STON2: variants seen among roughly 807,000 people sequenced by gnomAD.
STON2 encodes stonin-2.
In STON2, 29 loss-of-function variants were observed where a neutral mutation model predicts 65.7. The observed-to-expected ratio is 0.44, with a 90% CI of 0.33 to 0.60. The LOEUF (loss-of-function observed/expected upper bound fraction) is 0.60. STON2 is among the 20% of genes least tolerant of loss of function. STON2 has a pLI of 0.03. For missense variants in STON2, 1,054 were observed against 1,118.1 expected (o/e 0.94, Z 0.82); for synonymous variants, 404 against 414.2 (o/e 0.98, Z 0.30).
At chr14:81,333,271 C>T (rs560688602) in intron 4 of STON2, 21 of 712,638 alleles carry the variant, frequency 2.9e-5, no homozygotes, top group Admixed American at 1.4e-4. Context: ...GTTGCCTTCC[C>T]GGGGTGAAGG....
intron 3 of STON2, chr14:81,395,560 T>C: frequency 4.6e-6 from 1 of 219,044 alleles, no homozygotes; most frequent in South Asian, 8.6e-5. Context: ...CATTTCTGTA[T>C]GTAAGGTGCT....
chr14:81,363,135 T>C (rs1898568847), intron 4 of STON2, among the ~76,000 whole-genome samples: 1 of 152,182 alleles, frequency 6.6e-6, no homozygotes, highest in African/African-American at 2.4e-5. Context: ...CCAACTACCC[T>C]TTTTATTTGT....
intron 5 of STON2, among the ~76,000 whole-genome samples, chr14:81,294,358 C>T (rs1405505472): frequency 6.6e-6 from 1 of 152,116 alleles, no homozygotes; most frequent in African/African-American, 2.4e-5. Context: ...TCAACCTAGG[C>T]ATAAACAGGT....
At chr14:81,415,016 T>C (rs1230220867) in intron 2 of STON2, among the ~76,000 whole-genome samples, 1 of 152,034 alleles carries the variant, frequency 6.6e-6, no homozygotes, top group Non-Finnish European at 1.5e-5. Flanking sequence ...GTCAGGTGCT[T>C]TGGAGACTCT....
intron 5 of STON2, among the ~76,000 whole-genome samples, chr14:81,303,312 G>C (rs995791528): frequency 6.6e-6 from 1 of 152,148 alleles, no homozygotes; most frequent in Non-Finnish European, 1.5e-5. Flanking sequence ...ATCAGAGCCT[G>C]ACACACAGCA....
chr14:81,329,454 C>CAAAAAAAAAA (rs56370265), intron 4 of STON2, among the ~76,000 whole-genome samples: 1 of 118,504 alleles, frequency 8.4e-6, no homozygotes, highest in African/African-American at 3.0e-5. Flanking sequence ...GACTCTGTCT[C>CAAAAAAAAAA]AAAAAAAAAA....
intron 2 of STON2, among the ~76,000 whole-genome samples, chr14:81,397,593 TG>T (rs1403214454): frequency 6.6e-6 from 1 of 152,140 alleles, no homozygotes; most frequent in African/African-American, 2.4e-5. Flanking sequence ...TAAATGACGG[TG>T]GGATGACTTC....
chr14:81,331,858 G>A (rs564281072), intron 4 of STON2, among the ~76,000 whole-genome samples: 91 of 152,278 alleles, frequency 6.0e-4, no homozygotes, highest in African/African-American at 2.0e-3. Context: ...AGGAAGCCCT[G>A]CTTGCCCTCA....
At position 81,278,080 on chromosome 14, in the gene STON2, C is replaced by T; in HGVS notation, c.1402G>A (p.Glu468Lys). ...LPDDDPVAWI[E>K]LDAHPPGSAR... ...GATCCAGGCGGGTGAGCATCTAGTT[C>T]AATCCAGGCTACTGGGTCATCATCA... Residue 468 changes from glutamate to lysine, a missense_variant, in exon 6 of 8, where the codon GAA (glutamate) becomes AAA (lysine). Coordinates refer to ENST00000614646, the MANE Select transcript of STON2 (RefSeq NM_001394390.1). 1 of 1,614,172 alleles carries T rather than the reference C, an allele frequency of 6.2e-7. No individual in the cohort carries two copies. The highest frequency in any genetic ancestry group is 8.5e-7 in the Non-Finnish European group (1 of 1,180,042).
chr14:81,417,279 G>A (rs528478770), intron 2 of STON2, among the ~76,000 whole-genome samples: 12 of 138,290 alleles, frequency 8.7e-5, no homozygotes, highest in South Asian at 4.8e-4. Flanking sequence ...TCACCGCCCC[G>A]CCCCCGGCCC....
chr14:81,311,002 T>C (rs939757946), intron 5 of STON2, among the ~76,000 whole-genome samples: 9 of 152,160 alleles, frequency 5.9e-5, no homozygotes, highest in Admixed American at 5.9e-4. Flanking sequence ...ATCCCTCGAG[T>C]ACTTGTTCCC....
chr14:81,360,782 C>T (rs1898458072), intron 4 of STON2, among the ~76,000 whole-genome samples: 1 of 152,076 alleles, frequency 6.6e-6, no homozygotes, highest in Non-Finnish European at 1.5e-5. Context: ...ACTTAAGATT[C>T]CACCAATAAA....
At chr14:81,346,010 T>C (rs546575198) in intron 4 of STON2, among the ~76,000 whole-genome samples, 16 of 152,288 alleles carry the variant, frequency 1.1e-4, no homozygotes, top group East Asian at 5.8e-4. Flanking sequence ...GATTTGTTCT[T>C]GAGTCTCATG....
chr14:81,369,086 C>CT (rs1379951304), intron 4 of STON2, among the ~76,000 whole-genome samples: 1 of 152,134 alleles, frequency 6.6e-6, no homozygotes, highest in African/African-American at 2.4e-5. Context: ...CCTGCTTGGT[C>CT]AAATCTCTGC....
chr14:81,417,850 C>G (rs775942262), intron 2 of STON2, among the ~76,000 whole-genome samples: 2 of 152,118 alleles, frequency 1.3e-5, no homozygotes, highest in Non-Finnish European at 2.9e-5. Context: ...AAGTTAGACC[C>G]TCGGGTGACA....
In STON2 at chr14:81,313,810, TACACACACAC is replaced by T. The variant is rs10527861; in HGVS notation, c.742+10197_742+10206del. 4.5e-3 allele frequency among the ~76,000 whole-genome samples: 623 copies of T among 139,830 alleles called. 3 individuals carry two copies. Among genetic ancestry groups the T allele is most frequent in the African/African-American group, 0.016 (594 of 37,956 alleles). The allele number at this position is 139,830 out of a possible 152,430, so 91.7% of individuals were successfully genotyped here. A position where few individuals can be genotyped will look rare whatever the true frequency, so the allele number is the denominator to read the frequency against. On this transcript the variant is annotated intron_variant, in intron 5 of 7. Coordinates refer to ENST00000614646, the MANE Select transcript of STON2 (RefSeq NM_001394390.1). ...ACTCCGTCTCAAAAAAAAAAAAAAA[TACACACACAC>T]ACACACACACACACACACACTAATG... is the stretch of plus-strand genomic sequence containing the variant.
At chr14:81,375,330 C>CA (rs1164325445) in intron 3 of STON2, among the ~76,000 whole-genome samples, 1 of 151,358 alleles carries the variant, frequency 6.6e-6, no homozygotes, top group African/African-American at 2.4e-5. Flanking sequence ...ATGGTATGCA[C>CA]AAAAAATATA....
At position 81,266,618 on chromosome 14, in the gene STON2, T is replaced by G; in HGVS notation, c.*1796A>C. 2 of 919,362 alleles carry G rather than the reference T, an allele frequency of 2.2e-6. No homozygotes were observed. Among genetic ancestry groups the G allele is most frequent in the Non-Finnish European group, 2.6e-6 (2 of 769,714 alleles). The allele number at this position is 919,362 out of a possible 1,614,324, so 57.0% of individuals were successfully genotyped here. On this transcript the variant is annotated 3_prime_UTR_variant, in exon 8 of 8. Transcript: ENST00000614646. ...CCCATAATTGAACTCAACCCTCCAT[T>G]TAGATATGGACTAGATGGAGGGTTA...
upstream of STON2, among the ~76,000 whole-genome samples, chr14:81,403,972 G>A (rs1300386063): frequency 6.6e-6 from 1 of 152,122 alleles, no homozygotes; most frequent in East Asian, 1.9e-4. Context: ...ATGAGGAAAG[G>A]GACTTGATCT....
Sources: allele counts gnomAD v4.1 joint callset (sites outside exome capture counted in the v4.1 genomes callset), GRCh38; gene constraint gnomAD v4.1.1; transcripts MANE v1.5; gene names NCBI Gene and HGNC (gene_info 2026-07-23, HGNC 2026-07-21).